Variants in TTN observed in about 807,000 individuals in gnomAD.
TTN encodes connectin.
A neutral mutation model predicts 3,223.0 loss-of-function variants in TTN; 1,525 were observed. That is an observed-to-expected ratio of 0.47 (90% CI 0.45 to 0.49). TTN has a LOEUF of 0.49. Among genes scored for constraint, TTN ranks in the 20% least tolerant of loss-of-function variants. The pLI is 0.00. For missense variants in TTN, 40,786 were observed against 43,424.0 expected (o/e 0.94, Z 5.40); for synonymous variants, 14,094 against 15,161.0 (o/e 0.93, Z 5.17).
At position 178,770,659 on chromosome 2, in the gene TTN, C is replaced by T. The variant is rs1406113631; in HGVS notation, c.8133G>A (p.Lys2711=). 1.2e-6 allele frequency: 2 copies of T among 1,612,580 alleles called. No individual in the cohort carries two copies. The highest frequency in any genetic ancestry group is 2.7e-5 in the African/African-American group (2 of 74,864). Residue 2711 remains lysine (K), a synonymous_variant, in exon 35 of 363, where the codon AAG becomes AAA. Coordinates refer to ENST00000589042, the MANE Select transcript of TTN (RefSeq NM_001267550.2). ...KLKVEAVKIK[K]TLKNLTVTET... ...CTGTCACTGTGAGGTTCTTCAGAGTCTTCTTAATTTTGACAGCTAAAGACA... is the reference window on the plus strand; with the variant it reads ...CTGTCACTGTGAGGTTCTTCAGAGTTTTCTTAATTTTGACAGCTAAAGACA...
Position 178,679,695 on chromosome 2 carries a change from T to A in TTN, c.33581-13A>T. On this transcript the variant is annotated splice_polypyrimidine_tract_variant and intron_variant, in intron 140 of 362. Coordinates refer to ENST00000589042, the MANE Select transcript of TTN (RefSeq NM_001267550.2). The stretch of plus-strand genomic sequence containing the variant: ...GGTACCTCAGGCACTTTAAAGATAT[T>A]ATTAAGAATGTTGGAAATTTTGCAG... The A allele has an allele frequency of 1.9e-6, 3 of 1,596,690 alleles. No homozygotes were observed. Among genetic ancestry groups the A allele is most frequent in the Non-Finnish European group, 2.6e-6 (3 of 1,174,166 alleles).
chr2:178,804,470 G>T, intron 2 of TTN, 82 bp downstream of exon 2: 3 of 1,359,584 alleles, frequency 2.2e-6, no homozygotes, highest in Non-Finnish European at 3.1e-6. Flanking sequence ...GCTTAAACTT[G>T]GCGTCAAGTC....
intron 47 of TTN, chr2:178,746,584 T>C (rs749762959): frequency 1.2e-6 from 2 of 1,613,266 alleles, no homozygotes; most frequent in Non-Finnish European, 1.7e-6. Flanking sequence ...CCTGGGGCAT[T>C]ATGTCTACAT....
chr2:178,785,524 G>T (rs1214456949), intron 15 of TTN, 96 bp downstream of exon 15: 34 of 1,564,192 alleles, frequency 2.2e-5, no homozygotes, highest in Admixed American at 5.1e-5. Context: ...CACCAAAAAA[G>T]AATCCTCCAT....
chr2:178,696,383 A>ATT, intron 113 of TTN, 114 bp from the exon 114 acceptor site: 5 of 975,510 alleles, frequency 5.1e-6, no homozygotes, highest in Non-Finnish European at 5.6e-6. Flanking sequence ...TTTATTGATA[A>ATT]TTTGTTTTTT....
rs1159477728 is a variant in TTN, at chr2:178,614,306, G to A, written c.49091C>T (p.Thr16364Ile). The change falls in exon 262 of 363, where the codon ACC (threonine) becomes ATC (isoleucine). Residue 16364 changes from threonine to isoleucine, a missense_variant. By Grantham distance (89) the Thr-to-Ile change is moderately conservative (BLOSUM62 -1). Transcript: ENST00000589042. The stretch of plus-strand genomic sequence containing the variant: ...CCATGTTAGAAGACATGACTCATTG[G>A]TTACATCTGTGATGTCAAAGGCAGC... Reference protein sequence around the residue: ...PPAAFDITDVTNESCLLTWNP... With the variant: ...PPAAFDITDVINESCLLTWNP... 6.2e-7 allele frequency: 1 copy of A among 1,612,618 alleles called. No homozygotes were observed. The highest frequency in any genetic ancestry group is 2.2e-5 in the East Asian group (1 of 44,668).
rs1319489987 is a variant in TTN, at chr2:178,530,102, T to A, written c.106389A>T (p.Gly35463=). The A allele has an allele frequency of 1.0e-5, 16 of 1,602,178 alleles. No homozygotes were observed. In the East Asian group the frequency reaches 3.6e-4, roughly 36 times the overall value. The change falls in exon 359 of 363, where the codon GGA becomes GGT. Residue 35463 remains glycine, a synonymous_variant. Transcript: ENST00000589042. ...TGTCTTCAGAGAGTTTATATTTACC[T>A]CCTTGTGTAATGGCCTGTAGAATGC... ...WTKDGKAITQ[G]GKYKLSEDKG...
chr2:178,759,670 T>C (rs2088455726), intron 43 of TTN, among the ~76,000 whole-genome samples: 2 of 152,186 alleles, frequency 1.3e-5, no homozygotes, highest in African/African-American at 4.8e-5. Context: ...ATAGATACCT[T>C]TGAAGGCTGT....
Position 178,539,889 on chromosome 2 carries a change from T to C in TTN, c.98176A>G (p.Ile32726Val). ...GGGAATGGTTTTCCTTTGATTGGTA[T>C]GGTAAGTCTGATGACGCCACCTTGC... ...VRQGGVIRLT[I>V]PIKGKPFPIC... The change falls in exon 352 of 363, where the codon ATA becomes GTA. Residue 32726 changes from isoleucine (I) to valine (V), a missense_variant. Physicochemically the swap from Ile to Val is conservative, Grantham distance 29 (BLOSUM62 3). Transcript: ENST00000589042. 6.2e-7 allele frequency: 1 copy of C among 1,613,852 alleles called. No individual in the cohort carries two copies.
chr2:178,549,169 G>A lies in TTN; in HGVS notation c.92457C>T (p.Val30819=). The A allele has an allele frequency of 6.2e-7, 1 of 1,613,764 alleles. No individual in the cohort carries two copies. Among genetic ancestry groups the A allele is most frequent in the Non-Finnish European group, 8.5e-7 (1 of 1,179,800 alleles). Reference sequence around the variant, plus strand: ...CCACTGTGGGAGGACCTGGTGGGTTGACGGGCTCTCTACATTTAATGAGTC... The same window carrying A: ...CCACTGTGGGAGGACCTGGTGGGTTAACGGGCTCTCTACATTTAATGAGTC... ...ISRLIKCREP[V]NPPGPPTVVK... is the part of the protein sequence containing the mutation. The change falls in exon 339 of 363, where the codon GTC becomes GTT. Residue 30819 remains valine, a synonymous_variant. Coordinates refer to ENST00000589042, the MANE Select transcript of TTN (RefSeq NM_001267550.2).
intron 200 of TTN, 48 bp from the exon 201 acceptor site, chr2:178,652,784 A>G: frequency 6.2e-7 from 1 of 1,607,012 alleles, no homozygotes; most frequent in Middle Eastern, 1.7e-4. Context: ...GAAGACCACT[A>G]GAAAAAATAT....
rs1392647027 is a variant in TTN, at chr2:178,534,664, G to A, written c.101951C>T (p.Pro33984Leu). 1.2e-6 allele frequency: 2 copies of A among 1,613,728 alleles called. No individual in the cohort carries two copies. The highest frequency in any genetic ancestry group is 2.2e-5 in the South Asian group (2 of 91,070). ...LLFTAPEYYAPEVHQHDVVST... is the reference protein window; with the variant it reads ...LLFTAPEYYALEVHQHDVVST... Reference sequence around the variant, plus strand: ...GACAACATCATGCTGGTGGACTTCAGGTGCATAGTATTCTGGGGCAGTGAA... The same window carrying A: ...GACAACATCATGCTGGTGGACTTCAAGTGCATAGTATTCTGGGGCAGTGAA... Residue 33984 changes from proline to leucine, a missense_variant, in exon 358 of 363, where the codon CCT (proline) becomes CTT (leucine). By Grantham distance (98) the Pro-to-Leu change is moderately conservative. Transcript: ENST00000589042.
Position 178,723,454 on chromosome 2 carries a change from C to T in TTN, c.21646G>A (p.Gly7216Ser). The change falls in exon 74 of 363, where the codon GGC becomes AGC. Residue 7216 changes from glycine (G) to serine (S), a missense_variant. By Grantham distance (56) the Gly-to-Ser change is moderately conservative (BLOSUM62 0). Transcript: ENST00000589042. ...EYTCVVSNNA[G>S]QASCTTRLFV... is the part of the protein sequence containing the mutation. ...AGACGGGTAGTGCAAGATGCTTGGC[C>T]AGCGTTGTTAGAAACCACACAGGTG... The T allele has an allele frequency of 6.2e-7, 1 of 1,613,086 alleles. No individual in the cohort carries two copies. Among genetic ancestry groups the T allele is most frequent in the Non-Finnish European group, 8.5e-7 (1 of 1,179,484 alleles).
chr2:178,769,474 G>A (rs2091120518), intron 37 of TTN, among the ~76,000 whole-genome samples: 1 of 151,370 alleles, frequency 6.6e-6, no homozygotes, highest in Admixed American at 6.6e-5. Flanking sequence ...GTATTTCCCA[G>A]CCTGGTCTCA....
At position 178,719,309 on chromosome 2, in the gene TTN, A is replaced by T. The variant is rs1229192464; in HGVS notation, c.24081T>A (p.Ser8027Arg). The part of the protein sequence containing the change: ...GWFQDGNEIV[S>R]GPKCQSSFSE... ...AAAAGCTGGACTGACATTTGGGCCC[A>T]CTAACAATCTCATTTCCATCCTGAA... is the stretch of plus-strand genomic sequence containing the variant. The change falls in exon 83 of 363, where the codon AGT (serine) becomes AGA (arginine). Residue 8027 changes from serine (S) to arginine (R), a missense_variant. Ser to Arg is a moderately radical substitution (Grantham distance 110). Transcript: ENST00000589042. 2 of 1,613,786 alleles carry T rather than the reference A, an allele frequency of 1.2e-6. No homozygotes were observed. The highest frequency in any genetic ancestry group is 3.3e-5 in the Admixed American group (2 of 60,012).
chr2:178,604,068 C>T lies in TTN; in HGVS notation c.54619G>A (p.Glu18207Lys). Reference sequence around the variant, plus strand: ...CGTGACCAATAAGGACTTCCCTCTTCTCTTTTCTCCAGCCAGTAGCCAGTA... The same window carrying T: ...CGTGACCAATAAGGACTTCCCTCTTTTCTTTTCTCCAGCCAGTAGCCAGTA... ...PITGYWLEKR[E>K]EGSPYWSRVS... Residue 18207 changes from glutamate to lysine, a missense_variant, in exon 282 of 363, where the codon GAA becomes AAA. Glu to Lys is a moderately conservative substitution (Grantham distance 56). Coordinates refer to ENST00000589042, the MANE Select transcript of TTN (RefSeq NM_001267550.2). 6.2e-7 allele frequency: 1 copy of T among 1,612,920 alleles called. No individual in the cohort carries two copies.
Position 178,587,644 on chromosome 2 carries a change from A to G in TTN, c.63665T>C (p.Val21222Ala), listed in dbSNP as rs183595734. 12 of 1,612,844 alleles carry G rather than the reference A, an allele frequency of 7.4e-6. No individual in the cohort carries two copies. Among genetic ancestry groups the G allele is most frequent in the South Asian group, 3.3e-5 (3 of 91,042 alleles). ...GIDNVVRKGQ[V>A]DLVDTMAFLV... ...GAAGGCCATAGTGTCAACCAGATCAACTTGTCCTTTTCTGACCACATTATC... is the reference window on the plus strand; with the variant it reads ...GAAGGCCATAGTGTCAACCAGATCAGCTTGTCCTTTTCTGACCACATTATC... The change falls in exon 306 of 363, where the codon GTT becomes GCT. Residue 21222 changes from valine to alanine, a missense_variant. Coordinates refer to ENST00000589042, the MANE Select transcript of TTN (RefSeq NM_001267550.2).
intron 102 of TTN, 106 bp from the exon 103 acceptor site, chr2:178,705,463 T>C: frequency 1.1e-6 from 1 of 884,372 alleles, no homozygotes; most frequent in Non-Finnish European, 1.6e-6. Flanking sequence ...TTCTATGTTC[T>C]TTATTCAATA....
Position 178,551,965 on chromosome 2 carries a change from A to T in TTN, c.90935T>A (p.Val30312Asp). The T allele has an allele frequency of 6.2e-7, 1 of 1,612,024 alleles. No individual in the cohort carries two copies. The highest frequency in any genetic ancestry group is 8.5e-7 in the Non-Finnish European group (1 of 1,178,286). ...ENRYGVSQPL[V>D]SSIIVAKHQF... Reference sequence around the variant, plus strand: ...GTGTTTTGCCACAATAATGCTTGAGACAAGTGGTTGGCTGACTCCGTATCT... The same window carrying T: ...GTGTTTTGCCACAATAATGCTTGAGTCAAGTGGTTGGCTGACTCCGTATCT... The change falls in exon 335 of 363, where the codon GTC (valine) becomes GAC (aspartate). Residue 30312 changes from valine to aspartate, a missense_variant. Val to Asp is a radical substitution (Grantham distance 152, BLOSUM62 -3). Transcript: ENST00000589042.
Sources: allele counts gnomAD v4.1 joint callset (sites outside exome capture counted in the v4.1 genomes callset), GRCh38; gene constraint gnomAD v4.1.1; transcripts MANE v1.5; gene names NCBI Gene and HGNC (gene_info 2026-07-23, HGNC 2026-07-21).